Variants in ZBTB7C observed in about 807,000 individuals in gnomAD.
ZBTB7C encodes zinc finger and BTB domain containing 7C.
ZBTB7C carries 8 observed loss-of-function variants against 25.7 expected under a neutral mutation model. The observed-to-expected ratio is 0.31, with a 90% CI of 0.18 to 0.56. The LOEUF (loss-of-function observed/expected upper bound fraction) is 0.56. ZBTB7C is among the 20% of genes least tolerant of loss of function. The pLI is 0.91. For missense variants in ZBTB7C, 824 were observed against 855.2 expected (o/e 0.96, Z 0.46); for synonymous variants, 394 against 369.0 (o/e 1.07, Z -0.78).
chr18:48,344,859 T>TTTTATTTA (rs2046691473), intron 1 of ZBTB7C, among the ~76,000 whole-genome samples: 1 of 152,202 alleles, frequency 6.6e-6, no homozygotes, highest in African/African-American at 2.4e-5. Flanking sequence ...CGACATGTGT[T>TTTTATTTA]TTTATTTATT....
intron 2 of ZBTB7C, among the ~76,000 whole-genome samples, chr18:48,201,553 GTT>G (rs1348641619): frequency 6.6e-6 from 1 of 150,996 alleles, no homozygotes; most frequent in Non-Finnish European, 1.5e-5. Flanking sequence ...TCTTCCCCCC[GTT>G]TCTGGAGTCT....
intron 2 of ZBTB7C, among the ~76,000 whole-genome samples, chr18:48,310,311 A>T (rs2045784686): frequency 6.6e-6 from 1 of 151,914 alleles, no homozygotes; most frequent in Non-Finnish European, 1.5e-5. Context: ...GTTATTGAGG[A>T]GCTTTCCTTT....
intron 2 of ZBTB7C, among the ~76,000 whole-genome samples, chr18:48,198,432 G>GT (rs2042364356): frequency 6.6e-6 from 1 of 152,198 alleles, no homozygotes; most frequent in South Asian, 2.1e-4. Context: ...AGTTCTGGAA[G>GT]TCGGCAGTTG....
chr18:48,040,613 A>C lies in ZBTB7C; in HGVS notation c.495T>G (p.Asp165Glu). ...GGTCAGCAAAGTCCTCCGTGTCATC[A>C]TCGTCATCCTCCTCCTCTTCCTCCT... ...EEEEEEEEDD[D>E]DDTEDFADQE... Residue 165 changes from aspartate to glutamate, a missense_variant, in exon 4 of 5, where the codon GAT (aspartate) becomes GAG (glutamate). Physicochemically the swap from Asp to Glu is conservative, Grantham distance 45. Around this residue, in one of 4 missense-constraint regions of ZBTB7C, gnomAD observed 316 missense variants for 299.2 expected, o/e 1.06. Coordinates refer to ENST00000590800, the MANE Select transcript of ZBTB7C (RefSeq NM_001318841.2). The C allele has an allele frequency of 6.2e-7, 1 of 1,613,594 alleles. No individual in the cohort carries two copies. Among genetic ancestry groups the C allele is most frequent in the Non-Finnish European group, 8.5e-7 (1 of 1,179,820 alleles).
intron 2 of ZBTB7C, among the ~76,000 whole-genome samples, chr18:48,277,279 T>C (rs552190487): frequency 5.7e-4 from 83 of 146,438 alleles, no homozygotes; most frequent in African/African-American, 2.0e-3. Flanking sequence ...GAATCTACAA[T>C]GAACTCAAAC....
chr18:48,046,224 AT>A (rs1302362778), intron 3 of ZBTB7C, among the ~76,000 whole-genome samples: 2 of 152,254 alleles, frequency 1.3e-5, no homozygotes, highest in African/African-American at 4.8e-5. Context: ...CACAGACACT[AT>A]AGATTTGTGA....
intron 3 of ZBTB7C, among the ~76,000 whole-genome samples, chr18:48,117,767 A>ATCT (rs574378094): frequency 2.1e-3 from 314 of 152,250 alleles, no homozygotes; most frequent in Non-Finnish European, 3.6e-3. Context: ...AGCAGAACGA[A>ATCT]TCTTTAGTAA....
intron 2 of ZBTB7C, among the ~76,000 whole-genome samples, chr18:48,334,416 G>A (rs2046414357): frequency 6.6e-6 from 1 of 152,186 alleles, no homozygotes. Flanking sequence ...GAGATGCCAA[G>A]AGAAGGGGCA....
chr18:48,072,247 CAAG>C (rs2037570703), intron 3 of ZBTB7C, among the ~76,000 whole-genome samples: 1 of 152,248 alleles, frequency 6.6e-6, no homozygotes, highest in Non-Finnish European at 1.5e-5. Context: ...CTCTGAATTT[CAAG>C]TCTGTCGTCT....
intron 2 of ZBTB7C, among the ~76,000 whole-genome samples, chr18:48,244,217 C>A (rs1265246257): frequency 6.6e-6 from 1 of 152,110 alleles, no homozygotes; most frequent in African/African-American, 2.4e-5. Context: ...AGATCGAGAC[C>A]ACTCTGGCTA....
At position 48,029,624 on chromosome 18, in the gene ZBTB7C, G is replaced by A; in HGVS notation, c.1496C>T (p.Ala499Val). Residue 499 changes from alanine to valine, a missense_variant, in exon 5 of 5, where the codon GCC becomes GTC. Coordinates refer to ENST00000590800, the MANE Select transcript of ZBTB7C (RefSeq NM_001318841.2). ...ASLLFGPGGPAPDKAAFVMPP... is the reference protein window; with the variant it reads ...ASLLFGPGGPVPDKAAFVMPP... ...CATCACGAAGGCCGCCTTGTCGGGG[G>A]CCGGGCCGCCGGGCCCGAAGAGCAG... 1 of 1,496,404 alleles carries A rather than the reference G, an allele frequency of 6.7e-7. No individual in the cohort carries two copies. The allele number at this position is 1,496,404 out of a possible 1,614,324, so 92.7% of individuals were successfully genotyped here. A position where few individuals can be genotyped will look rare whatever the true frequency, so the allele number is the denominator to read the frequency against.
intron 3 of ZBTB7C, among the ~76,000 whole-genome samples, chr18:48,159,907 G>C (rs940640566): frequency 6.6e-6 from 1 of 152,242 alleles, no homozygotes; most frequent in African/African-American, 2.4e-5. Context: ...TGGGGCTGTG[G>C]TCTCTTCACA....
intron 3 of ZBTB7C, among the ~76,000 whole-genome samples, chr18:48,139,774 G>A (rs1380654270): frequency 6.6e-6 from 1 of 152,030 alleles, no homozygotes; most frequent in African/African-American, 2.4e-5. Flanking sequence ...TAGTGAAGTG[G>A]GTGGGGAGAG....
chr18:48,404,595 T>A (rs1328380806), intron 1 of ZBTB7C, among the ~76,000 whole-genome samples: 1 of 152,204 alleles, frequency 6.6e-6, no homozygotes, highest in Non-Finnish European at 1.5e-5. Context: ...TACTGATGAA[T>A]GATGCTCCCA....
intron 1 of ZBTB7C, among the ~76,000 whole-genome samples, chr18:48,371,707 C>A (rs1233735489): frequency 6.6e-6 from 1 of 152,210 alleles, no homozygotes. Flanking sequence ...TGAGCAAAAG[C>A]TTCCCCTGAA....
chr18:48,256,540 C>T (rs1472548031), intron 2 of ZBTB7C, among the ~76,000 whole-genome samples: 1 of 148,686 alleles, frequency 6.7e-6, no homozygotes, highest in African/African-American at 2.5e-5. Flanking sequence ...TCTTCAAGCA[C>T]AATGAAAATG....
chr18:48,288,057 C>G (rs1370455196), intron 2 of ZBTB7C, among the ~76,000 whole-genome samples: 1 of 151,938 alleles, frequency 6.6e-6, no homozygotes, highest in African/African-American at 2.4e-5. Context: ...TTAGCCAGTA[C>G]ATTAAGGCAA....
At chr18:48,190,796 G>A (rs1053343321) in intron 2 of ZBTB7C, among the ~76,000 whole-genome samples, 5 of 152,188 alleles carry the variant, frequency 3.3e-5, no homozygotes, top group Admixed American at 1.3e-4. Flanking sequence ...TGGCCTTTGT[G>A]CCCATTGCTA....
intron 2 of ZBTB7C, among the ~76,000 whole-genome samples, chr18:48,314,820 C>T (rs1042395731): frequency 9.9e-5 from 15 of 152,170 alleles, no homozygotes; most frequent in Admixed American, 3.9e-4. Flanking sequence ...CCCGAGGTGC[C>T]CGCCCCGACC....
Sources: gnomAD v4.1 joint callset for allele counts (sites outside exome capture counted in the v4.1 genomes callset) on GRCh38, gnomAD v4.1.1 for gene constraint, gnomAD v4.1.1 regional missense constraint, MANE v1.5 for transcripts, NCBI Gene and HGNC (gene_info 2026-07-23, HGNC 2026-07-21) for gene names.